EEF2KMT: variants seen among roughly 807,000 people sequenced by gnomAD.
EEF2KMT encodes protein-lysine N-methyltransferase EEF2KMT.
Under a neutral mutation model 35.1 loss-of-function variants are expected in EEF2KMT, and 30 were observed. That is an observed-to-expected ratio of 0.85 (90% CI 0.64 to 1.16). The LOEUF (loss-of-function observed/expected upper bound fraction) is 1.16, where lower values mean the gene tolerates loss of function less well. EEF2KMT is among the 50% of genes most tolerant of loss of function. The probability of loss-of-function intolerance (pLI) is 0.00; values close to 1 mark genes in which losing one functional copy is unlikely to be tolerated. For synonymous variants in EEF2KMT, 190 were observed against 187.7 expected, an observed-to-expected ratio of 1.01 and a Z score of -0.10; for missense variants, 499 against 438.2, an observed-to-expected ratio of 1.14 and a Z score of -1.24.
At chr16:5,097,577 G>T (rs1396401414) in intron 1 of EEF2KMT, 67 bp downstream of exon 1, 1 of 1,527,726 alleles carries the variant, frequency 6.5e-7, no homozygotes, top group Admixed American at 2.0e-5. Context: ...TCAGCACGGA[G>T]ACCCGTCCCG....
Position 5,090,983 on chromosome 16 carries a change from T to C in EEF2KMT, c.343-418A>G, listed in dbSNP as rs566678713. On this transcript the variant is annotated intron_variant, in intron 4 of 7. Coordinates refer to ENST00000427587, the MANE Select transcript of EEF2KMT (RefSeq NM_201400.4). The surrounding 1 kb of genome is among the most constrained non-coding windows in gnomAD (Gnocchi z 4.1). ...CAGGCTGGAGTCAGTGGCACGATCT[T>C]GGCTCACTGCAACCTCTGCCTCCTG... Among the ~76,000 whole-genome samples, 50 of 152,290 alleles carry C rather than the reference T, an allele frequency of 3.3e-4. No individual in the cohort carries two copies. Among genetic ancestry groups the C allele is most frequent in the African/African-American group, 1.2e-3 (48 of 41,562 alleles).
rs547034120 is a variant in EEF2KMT, at chr16:5,091,597, A to G, written c.342+197T>C. 1.2e-3 allele frequency among the ~76,000 whole-genome samples: 184 copies of G among 152,210 alleles called. 1 individual carries two copies. The highest frequency in any genetic ancestry group is 1.9e-3 in the Non-Finnish European group (131 of 68,002). ...TCACCTATTGGATAAGTGCCCAACA[A>G]CTCCACGAGACATGCTGTTGTTGTT... is the stretch of plus-strand genomic sequence containing the variant. On this transcript the variant is annotated intron_variant, in intron 4 of 7. Transcript: ENST00000427587.
In EEF2KMT at chr16:5,084,804, A is replaced by G; in HGVS notation, c.*828T>C. 1.3e-6 allele frequency: 2 copies of G among 1,596,468 alleles called. No individual in the cohort carries two copies. Among genetic ancestry groups the G allele is most frequent in the South Asian group, 1.1e-5 (1 of 90,990 alleles). On this transcript the variant is annotated 3_prime_UTR_variant, in exon 8 of 8. Coordinates refer to ENST00000427587, the MANE Select transcript of EEF2KMT (RefSeq NM_201400.4). ...GGGCAAGCTAAACCAGTTCCGGAAG[A>G]ACCTGCGGGAGTCGCAGCAGCTCCG...
At chr16:5,094,454 G>T (rs1957409981) in intron 2 of EEF2KMT, among the ~76,000 whole-genome samples, 1 of 152,118 alleles carries the variant, frequency 6.6e-6, no homozygotes, top group African/African-American at 2.4e-5. Flanking sequence ...GTAGAGATGG[G>T]TTTTTGCCAT....
At chr16:5,096,746 C>A (rs1350701021) in intron 1 of EEF2KMT, among the ~76,000 whole-genome samples, 1 of 152,164 alleles carries the variant, frequency 6.6e-6, no homozygotes, top group South Asian at 2.1e-4. Flanking sequence ...AATAATAGTA[C>A]CCACCTCGTG....
intron 7 of EEF2KMT, chr16:5,087,386 C>T (rs1399163598): frequency 6.6e-6 from 1 of 152,200 alleles, no homozygotes; most frequent in East Asian, 1.9e-4. Context: ...TGAAGTCTCG[C>T]TATGTTGCTC....
At chr16:5,092,814 T>C (rs948805349) in intron 3 of EEF2KMT, among the ~76,000 whole-genome samples, 3 of 152,114 alleles carry the variant, frequency 2.0e-5, no homozygotes, top group African/African-American at 4.8e-5. Flanking sequence ...AATAAAAAAT[T>C]AGCCAGGCAT....
chr16:5,093,926 G>A (rs1397710855), intron 2 of EEF2KMT, among the ~76,000 whole-genome samples: 5 of 152,348 alleles, frequency 3.3e-5, no homozygotes, highest in South Asian at 2.1e-4. Flanking sequence ...AGGCCCACTC[G>A]GCAACTGCTC....
intron 3 of EEF2KMT, among the ~76,000 whole-genome samples, chr16:5,092,658 G>A (rs934929073): frequency 1.3e-5 from 2 of 152,202 alleles, no homozygotes; most frequent in Non-Finnish European, 2.9e-5. Flanking sequence ...GCATGTTCGG[G>A]CGCATCTTTA....
At chr16:5,096,850 T>C (rs3890149) in intron 1 of EEF2KMT, among the ~76,000 whole-genome samples, 108,101 of 152,188 alleles carry the variant, frequency 0.71, 38,657 homozygotes, top group Middle Eastern at 0.78. Flanking sequence ...TTTATGAAGG[T>C]TTCTATTTTG....
Position 5,084,470 on chromosome 16 carries a change from G to C in EEF2KMT, c.*1162C>G, listed in dbSNP as rs1468396403. On this transcript the variant is annotated 3_prime_UTR_variant, in exon 8 of 8. Transcript: ENST00000427587. Reference sequence around the variant, plus strand: ...AGACTGCGTTGGCCAGAGGCCGAGAGGAGGGTGCTCACAGGGGAATGGGCA... The same window carrying C: ...AGACTGCGTTGGCCAGAGGCCGAGACGAGGGTGCTCACAGGGGAATGGGCA... 1 of 582,954 alleles carries C rather than the reference G, an allele frequency of 1.7e-6. No homozygotes were observed. Among genetic ancestry groups the C allele is most frequent in the Non-Finnish European group, 3.0e-6 (1 of 327,958 alleles). The allele number at this position is 582,954 out of a possible 1,614,324, so 36.1% of individuals were successfully genotyped here.
intron 1 of EEF2KMT, chr16:5,097,305 T>G: frequency 7.4e-7 from 1 of 1,354,566 alleles, no homozygotes; most frequent in Non-Finnish European, 9.7e-7. Context: ...CGCTGACTTT[T>G]TAGAATGGGC....
In EEF2KMT at chr16:5,090,020, A is replaced by C. The variant is rs1044162357; in HGVS notation, c.742+64T>G. On this transcript the variant is annotated intron_variant, in intron 6 of 7. Transcript: ENST00000427587. This position sits in a 1 kb window ranked among gnomAD's most constrained non-coding sequence, Gnocchi z 4.1. ...AGCGTCCATTGTTCCCTTTTCCCAG[A>C]GCCAAGAGCTGGGTAGAGCTGCAAG... is the stretch of plus-strand genomic sequence containing the variant. 1.8e-5 allele frequency: 28 copies of C among 1,593,892 alleles called. No individual in the cohort carries two copies. The African/African-American group carries it at 3.5e-4, about 20-fold the overall frequency.
chr16:5,093,377 C>T (rs534802349), intron 3 of EEF2KMT, 107 bp downstream of exon 3: 1,699 of 1,560,182 alleles, frequency 1.1e-3, no homozygotes, highest in Non-Finnish European at 1.4e-3. Context: ...GAGGCCCCTG[C>T]CATGCTGGGG....
rs1957347220 is a variant in EEF2KMT, at chr16:5,091,877, CTG to C, written c.257_258del (p.Thr86ArgfsTer8). 1 of 1,611,788 alleles carries C rather than the reference CTG, an allele frequency of 6.2e-7. No homozygotes were observed. Among genetic ancestry groups the C allele is most frequent in the African/African-American group, 1.3e-5 (1 of 74,862 alleles). On this transcript the variant is annotated frameshift_variant, in exon 4 of 8. Coordinates refer to ENST00000427587, the MANE Select transcript of EEF2KMT (RefSeq NM_201400.4). LOFTEE classifies it high-confidence loss of function. ...GCTTCATACAGCTCGTCCAAAGGCTCTGTGTGGACAGCCTCGTGCTGGGGGCA... is the reference window on the plus strand; with the variant it reads ...GCTTCATACAGCTCGTCCAAAGGCTCTGTGGACAGCCTCGTGCTGGGGGCA... ...ELIKKHEAVH[T>X]EPLDELYEAL...
rs757217262 is a variant in EEF2KMT, at chr16:5,089,127, T to C, written c.872A>G (p.Gln291Arg). ...CTCACCTAGCTCGGTGGTGAACAGC[T>C]GGCACGTCTCTGGGTTGCGGACGGT... Reference protein sequence around the residue: ...AFTVRNPETCQLFTTELGRAG... With the variant: ...AFTVRNPETCRLFTTELGRAG... Residue 291 changes from glutamine to arginine, a missense_variant, in exon 7 of 8, where the codon CAG (glutamine) becomes CGG (arginine). Gln to Arg is a conservative substitution (Grantham distance 43). Transcript: ENST00000427587. 4 of 1,612,840 alleles carry C rather than the reference T, an allele frequency of 2.5e-6. No homozygotes were observed. Among genetic ancestry groups the C allele is most frequent in the East Asian group, 4.5e-5 (2 of 44,876 alleles).
At chr16:5,094,383 C>A (rs1957407912) in intron 2 of EEF2KMT, among the ~76,000 whole-genome samples, 1 of 152,206 alleles carries the variant, frequency 6.6e-6, no homozygotes, top group Non-Finnish European at 1.5e-5. Flanking sequence ...CTGCCTCAGC[C>A]TCCTGAGTAG....
At position 5,090,747 on chromosome 16, in the gene EEF2KMT, T is replaced by G. The variant is rs1700848408; in HGVS notation, c.343-182A>C. 6.6e-6 allele frequency among the ~76,000 whole-genome samples: 1 copy of G among 151,952 alleles called. No homozygotes were observed. Among genetic ancestry groups the G allele is most frequent in the African/African-American group, 2.4e-5 (1 of 41,366 alleles). ...CGGGCCTCAAGGGTGTCACGCGGTG[T>G]GAAAGACACTCATCTCAGGCCACAC... On this transcript the variant is annotated intron_variant, in intron 4 of 7. Coordinates refer to ENST00000427587, the MANE Select transcript of EEF2KMT (RefSeq NM_201400.4). The surrounding 1 kb of genome is among the most constrained non-coding windows in gnomAD (Gnocchi z 4.1).
In EEF2KMT at chr16:5,085,621, G is replaced by A. The variant is rs186337138; in HGVS notation, c.*11C>T. ...TGATTCTCACAATCCCGTTGGAGTC[G>A]TGTGTGAGTCCTACAGGGTGAGATT... On this transcript the variant is annotated 3_prime_UTR_variant, in exon 8 of 8. Transcript: ENST00000427587. 3.0e-5 allele frequency: 47 copies of A among 1,562,420 alleles called. No individual in the cohort carries two copies. Among genetic ancestry groups the A allele is most frequent in the African/African-American group, 1.4e-4 (10 of 73,912 alleles).
Sources: gnomAD v4.1 joint callset for allele counts (sites outside exome capture counted in the v4.1 genomes callset) on GRCh38, gnomAD v4.1.1 for gene constraint, Gnocchi (gnomAD v3.1) non-coding constraint, MANE v1.5 for transcripts, NCBI Gene and HGNC (gene_info 2026-07-23, HGNC 2026-07-21) for gene names.